MCCC2: variants seen among roughly 807,000 people sequenced by gnomAD.
The protein encoded by MCCC2 is methylcrotonoyl-CoA carboxylase beta chain, mitochondrial.
In MCCC2, 52 loss-of-function variants were observed where a neutral mutation model predicts 77.2. The observed-to-expected ratio is 0.67, with a 90% confidence interval of 0.54 to 0.85. The LOEUF is 0.85. MCCC2 is among the 40% of genes least tolerant of loss of function. The pLI, the probability that MCCC2 is intolerant of heterozygous loss-of-function variation, is 0.00. For synonymous variants in MCCC2, 253 were observed against 248.4 expected, an observed-to-expected ratio of 1.02 and a Z score of -0.18; for missense variants, 682 against 703.2, an observed-to-expected ratio of 0.97 and a Z score of 0.34.
intron 1 of MCCC2, among the ~76,000 whole-genome samples, chr5:71,588,411 T>G (rs1186201272): frequency 6.6e-6 from 1 of 152,214 alleles, no homozygotes; most frequent in Non-Finnish European, 1.5e-5. Flanking sequence ...AATTTCACTG[T>G]GTTCCCACGA....
At chr5:71,597,821 G>A (rs1561820063) in intron 3 of MCCC2, among the ~76,000 whole-genome samples, 1 of 152,102 alleles carries the variant, frequency 6.6e-6, no homozygotes, top group Non-Finnish European at 1.5e-5. Context: ...TTGCTGTTTT[G>A]TAGCCAGCTC....
chr5:71,597,246 G>T (rs1409388313), intron 3 of MCCC2, among the ~76,000 whole-genome samples: 1 of 152,170 alleles, frequency 6.6e-6, no homozygotes, highest in African/African-American at 2.4e-5. Context: ...CAGCCAGGAG[G>T]CTGGGGTGGT....
intron 6 of MCCC2, among the ~76,000 whole-genome samples, chr5:71,606,889 CAT>C (rs1745698312): frequency 6.6e-6 from 1 of 151,002 alleles, no homozygotes; most frequent in Non-Finnish European, 1.5e-5. Context: ...TACTGATTTG[CAT>C]ATATTGAACC....
At chr5:71,639,016 G>C (rs1403788895) in intron 10 of MCCC2, among the ~76,000 whole-genome samples, 1 of 152,126 alleles carries the variant, frequency 6.6e-6, no homozygotes, top group Admixed American at 6.5e-5. Context: ...TTTCTGAGTA[G>C]TAGGTCTCAA....
intron 16 of MCCC2, among the ~76,000 whole-genome samples, chr5:71,654,837 ATTT>A (rs201819772): frequency 5.0e-5 from 7 of 140,542 alleles, no homozygotes; most frequent in Non-Finnish European, 4.7e-5. Context: ...GGATCTGTAG[ATTT>A]TTTTTTTTTT....
Position 71,656,994 on chromosome 5 carries a change from T to C in MCCC2, c.*134T>C, listed in dbSNP as rs967122749. On this transcript the variant is annotated 3_prime_UTR_variant, in exon 17 of 17. Transcript: ENST00000340941. Reference sequence around the variant, plus strand: ...CACTGTGCATTGTACTTTTCTACCTTAAAAAAATCAGTGAGGATATTTATT... The same window carrying C: ...CACTGTGCATTGTACTTTTCTACCTCAAAAAAATCAGTGAGGATATTTATT... The C allele has an allele frequency of 4.9e-5, 33 of 680,304 alleles. No individual in the cohort carries two copies. In the South Asian group the frequency reaches 5.4e-4, roughly 11 times the overall value. The allele number at this position is 680,304 out of a possible 1,614,324, so 42.1% of individuals were successfully genotyped here.
chr5:71,631,589 G>A lies in MCCC2; in HGVS notation c.739-532G>A, dbSNP rs1483187102. ...GGAGTCTCGCTCTGTCGCCCAGGCCGGACTGCAGTGGCGCAATCTCGGCTC... is the reference window on the plus strand; with the variant it reads ...GGAGTCTCGCTCTGTCGCCCAGGCCAGACTGCAGTGGCGCAATCTCGGCTC... On this transcript the variant is annotated intron_variant, in intron 7 of 16. Coordinates refer to ENST00000340941, the MANE Select transcript of MCCC2 (RefSeq NM_022132.5). 4.1e-5 allele frequency among the ~76,000 whole-genome samples: 6 copies of A among 146,166 alleles called. No homozygotes were observed. The South Asian group carries it at 1.1e-3, about 26-fold the overall frequency.
intron 1 of MCCC2, among the ~76,000 whole-genome samples, chr5:71,590,474 C>T (rs548068874): frequency 1.3e-5 from 2 of 152,240 alleles, no homozygotes; most frequent in Admixed American, 6.5e-5. Flanking sequence ...GTGAATTTTC[C>T]AGTCATCCTT....
intron 8 of MCCC2, among the ~76,000 whole-genome samples, chr5:71,633,127 A>ATTTTTTTTTT (rs1440841730): frequency 0.043 from 2,734 of 63,282 alleles, 180 homozygotes; most frequent in East Asian, 0.11. Context: ...ATATATATAT[A>ATTTTTTTTTT]TATATTTTTA....
intron 6 of MCCC2, among the ~76,000 whole-genome samples, chr5:71,608,790 C>T (rs897111601): frequency 2.6e-5 from 4 of 152,090 alleles, no homozygotes; most frequent in African/African-American, 9.7e-5. Flanking sequence ...TCAGCATTTG[C>T]TTGTCTGTAA....
chr5:71,632,621 G>T (rs10060578), intron 8 of MCCC2, among the ~76,000 whole-genome samples: 1 of 152,042 alleles, frequency 6.6e-6, no homozygotes, highest in Admixed American at 6.5e-5. Context: ...AGGTGGGTCT[G>T]CCCTGGGGTG....
intron 4 of MCCC2, among the ~76,000 whole-genome samples, chr5:71,601,645 A>G (rs1177084739): frequency 1.3e-5 from 2 of 152,118 alleles, no homozygotes; most frequent in Non-Finnish European, 2.9e-5. Flanking sequence ...GCCGTTCTCT[A>G]TTTTCAGCAG....
chr5:71,608,397 A>G lies in MCCC2; in HGVS notation c.624+3929A>G, dbSNP rs1388361523. Among the ~76,000 whole-genome samples the G allele has an allele frequency of 4.9e-3, 594 of 120,816 alleles. 4 individuals are homozygous for G. Among genetic ancestry groups the G allele is most frequent in the African/African-American group, 0.018 (566 of 31,002 alleles). 79.3% of individuals were successfully genotyped at this position (120,816 alleles called of 152,430 possible). A position where few individuals can be genotyped will look rare whatever the true frequency, so the allele number is the denominator to read the frequency against. On this transcript the variant is annotated intron_variant, in intron 6 of 16. Coordinates refer to ENST00000340941, the MANE Select transcript of MCCC2 (RefSeq NM_022132.5). Reference sequence around the variant, plus strand: ...TGTTTTATCAGAGACTAGGATTGCAACCCCTGCCTTTTTTTGTTTTCCATT... The same window carrying G: ...TGTTTTATCAGAGACTAGGATTGCAGCCCCTGCCTTTTTTTGTTTTCCATT...
chr5:71,637,537 G>A (rs1746972272), intron 10 of MCCC2, among the ~76,000 whole-genome samples: 1 of 152,170 alleles, frequency 6.6e-6, no homozygotes, highest in African/African-American at 2.4e-5. Flanking sequence ...TTTGCTGGTG[G>A]AGGGTCTTGC....
chr5:71,654,518 A>T (rs1432663102), intron 16 of MCCC2, among the ~76,000 whole-genome samples: 1 of 152,168 alleles, frequency 6.6e-6, no homozygotes, highest in Non-Finnish European at 1.5e-5. Flanking sequence ...AAGAGGTTTG[A>T]GATGAAATAT....
intron 8 of MCCC2, among the ~76,000 whole-genome samples, chr5:71,633,123 A>ATTTTTTTTTTTTT (rs1391065508): frequency 3.1e-5 from 1 of 31,798 alleles, no homozygotes; most frequent in African/African-American, 9.1e-5. Context: ...ATATATATAT[A>ATTTTTTTTTTTTT]TATATATATT....
intron 6 of MCCC2, among the ~76,000 whole-genome samples, chr5:71,608,936 C>T (rs778868746): frequency 1.5e-3 from 235 of 152,200 alleles, no homozygotes; most frequent in Non-Finnish European, 2.2e-3. Context: ...CCGAGAGATC[C>T]GCTGTTAGTC....
chr5:71,607,218 G>T (rs1023008865), intron 6 of MCCC2, among the ~76,000 whole-genome samples: 2 of 151,450 alleles, frequency 1.3e-5, no homozygotes, highest in African/African-American at 2.4e-5. Context: ...GACTCTTTTT[G>T]GTTGGTAAAC....
chr5:71,644,770 C>T (rs1246278067), intron 12 of MCCC2, among the ~76,000 whole-genome samples: 1 of 151,726 alleles, frequency 6.6e-6, no homozygotes, highest in East Asian at 1.9e-4. Context: ...TCTTTCATAC[C>T]CTAATTGAGG....
Sources: allele counts gnomAD v4.1 joint callset (sites outside exome capture counted in the v4.1 genomes callset), GRCh38; gene constraint gnomAD v4.1.1; transcripts MANE v1.5; gene names NCBI Gene and HGNC (gene_info 2026-07-23, HGNC 2026-07-21).